PPP2R5D: variants seen among roughly 807,000 people sequenced by gnomAD.
The protein encoded by PPP2R5D is serine/threonine-protein phosphatase 2A 56 kDa regulatory subunit delta isoform.
PPP2R5D carries 12 observed loss-of-function variants against 79.1 expected under a neutral mutation model. The ratio of observed to expected loss-of-function variants is 0.15; its 90% CI spans 0.10 to 0.25. PPP2R5D has a LOEUF of 0.25. Ranked by LOEUF, PPP2R5D falls within the 10% of genes least tolerant of loss-of-function variation. The pLI is 1.00. For synonymous variants in PPP2R5D, 277 were observed against 286.6 expected (o/e 0.97, Z 0.34); for missense variants, 419 against 760.2 (o/e 0.55, Z 5.28).
rs199635607 is a variant in PPP2R5D at position 43,006,584 on chromosome 6, G to C, written c.227G>C (p.Gly76Ala). Residue 76 changes from glycine (G) to alanine (A), a missense_variant, in exon 3 of 16, where the codon GGG becomes GCG. By Grantham distance (60) the Gly-to-Ala change is moderately conservative. Around this residue, in one of 5 missense-constraint regions of PPP2R5D, gnomAD observed 110 missense variants for 147.6 expected, o/e 0.75. Transcript: ENST00000485511. The surrounding 1 kb of genome is among the most constrained non-coding windows in gnomAD (Gnocchi z 4.7). ...PTQLSKIKYSGGPQIVKKERR... is the reference protein window; with the variant it reads ...PTQLSKIKYSAGPQIVKKERR... The stretch of plus-strand genomic sequence containing the variant: ...CAGCTCAGCAAAATCAAGTACTCAG[G>C]GGGGCCCCAGATTGTCAAGAAGGAG... 3.7e-6 allele frequency: 6 copies of C among 1,614,004 alleles called. No homozygotes were observed. Among genetic ancestry groups the C allele is most frequent in the African/African-American group, 1.3e-5 (1 of 74,904 alleles).
chr6:43,010,958 C>T lies in PPP2R5D; in HGVS notation c.1632C>T (p.Ile544=), dbSNP rs1762324454. The T allele has an allele frequency of 3.1e-6, 5 of 1,614,026 alleles. No individual in the cohort carries two copies. The highest frequency in any genetic ancestry group is 4.2e-6 in the Non-Finnish European group (5 of 1,180,030). ...CAGAGACCCCCACAGCTGAGGACAT[C>T]CAGCTTCTGAAGAGGACTGTGGAGA... ...METETPTAED[I]QLLKRTVETE... The change falls in exon 15 of 16, where the codon ATC becomes ATT. Residue 544 remains isoleucine, a synonymous_variant. Coordinates refer to ENST00000485511, the MANE Select transcript of PPP2R5D (RefSeq NM_006245.4). The surrounding 1 kb of genome is among the most constrained non-coding windows in gnomAD (Gnocchi z 4.7).
In PPP2R5D at chr6:43,006,810, C is replaced by A; in HGVS notation, c.323-101C>A. On this transcript the variant is annotated intron_variant, in intron 3 of 15. Coordinates refer to ENST00000485511, the MANE Select transcript of PPP2R5D (RefSeq NM_006245.4). The surrounding 1 kb of genome is among the most constrained non-coding windows in gnomAD (Gnocchi z 4.7). ...AATGCGGGAAGGGGGTGCCAGGGAG[C>A]AGGATGGTGGCAGGGTGGGGTAAGG... is the stretch of plus-strand genomic sequence containing the variant. 6.4e-7 allele frequency: 1 copy of A among 1,571,828 alleles called. No individual in the cohort carries two copies.
intron 2 of PPP2R5D, among the ~76,000 whole-genome samples, chr6:42,995,126 C>CTTTTTTTTTT (rs889250251): frequency 2.8e-4 from 30 of 106,346 alleles, no homozygotes; most frequent in East Asian, 5.8e-4. Flanking sequence ...CTTTTTCTTT[C>CTTTTTTTTTT]TTTTTTTTTT....
At chr6:42,992,275 G>A (rs1224268115) in intron 2 of PPP2R5D, among the ~76,000 whole-genome samples, 1 of 152,092 alleles carries the variant, frequency 6.6e-6, no homozygotes, top group Non-Finnish European at 1.5e-5. Context: ...TAGCCAGGAT[G>A]GTCTCGATCT....
rs547008517 is a variant in PPP2R5D at position 42,984,774 on chromosome 6, A to G, written c.27+70A>G. The G allele has an allele frequency of 1.9e-4, 309 of 1,600,522 alleles. 4 individuals carry two copies. In the South Asian group the frequency reaches 2.2e-3, roughly 11 times the overall value. On this transcript the variant is annotated intron_variant, in intron 1 of 15. Transcript: ENST00000485511. The stretch of plus-strand genomic sequence containing the variant: ...CGGAGCTCTGGGAGGGGCCGGAGCC[A>G]GGCCCGGGACAGCCCCAGACTGACC...
chr6:42,998,811 G>C (rs1771974902), intron 2 of PPP2R5D, among the ~76,000 whole-genome samples: 1 of 152,140 alleles, frequency 6.6e-6, no homozygotes, highest in Non-Finnish European at 1.5e-5. Flanking sequence ...GAGGCAGGCA[G>C]ATCACTTGAG....
Position 43,009,153 on chromosome 6 carries a change from C to G in PPP2R5D, c.1177C>G (p.Pro393Ala). 6.2e-7 allele frequency: 1 copy of G among 1,614,156 alleles called. No individual in the cohort carries two copies. Among genetic ancestry groups the G allele is most frequent in the Non-Finnish European group, 8.5e-7 (1 of 1,180,026 alleles). The change falls in exon 11 of 16, where the codon CCT (proline) becomes GCT (alanine). Residue 393 changes from proline (P) to alanine (A), a missense_variant. Pro to Ala is a conservative substitution (Grantham distance 27, BLOSUM62 -1). Transcript: ENST00000485511. The surrounding 1 kb of genome is among the most constrained non-coding windows in gnomAD (Gnocchi z 5.6). Reference protein sequence around the residue: ...ELEEILDVIEPSEFSKVMEPL... With the variant: ...ELEEILDVIEASEFSKVMEPL... The stretch of plus-strand genomic sequence containing the variant: ...GGAGGAGATTCTGGACGTCATTGAA[C>G]CTTCTGAGTTCAGCAAAGTGATGGA...
In PPP2R5D at chr6:43,007,537, T is replaced by C. The variant is rs1762152763; in HGVS notation, c.726+31T>C. On this transcript the variant is annotated intron_variant, in intron 6 of 15. Transcript: ENST00000485511. This position sits in a 1 kb window ranked among gnomAD's most constrained non-coding sequence, Gnocchi z 4.5. The stretch of plus-strand genomic sequence containing the variant: ...TCCCCGAGTTCCTGTCCTTGCCCTC[T>C]CTTTCCATTCCATGCCCCCTTCATC... 1 of 1,541,518 alleles carries C rather than the reference T, an allele frequency of 6.5e-7. No individual in the cohort carries two copies. The highest frequency in any genetic ancestry group is 9.0e-7 in the Non-Finnish European group (1 of 1,114,116).
At position 43,010,357 on chromosome 6, in the gene PPP2R5D, A is replaced by G. The variant is rs1156456707; in HGVS notation, c.1380-111A>G. On this transcript the variant is annotated intron_variant, in intron 12 of 15. Transcript: ENST00000485511. This position sits in a 1 kb window ranked among gnomAD's most constrained non-coding sequence, Gnocchi z 4.7. ...GCACAGAGGTTTGTGAACTGGAAGTAGTAAATGACAAAGCTCTTAGCAGAG... is the reference window on the plus strand; with the variant it reads ...GCACAGAGGTTTGTGAACTGGAAGTGGTAAATGACAAAGCTCTTAGCAGAG... 3 of 826,480 alleles carry G rather than the reference A, an allele frequency of 3.6e-6. No homozygotes were observed. Among genetic ancestry groups the G allele is most frequent in the Non-Finnish European group, 6.1e-6 (3 of 492,626 alleles). 51.2% of individuals were successfully genotyped at this position (826,480 alleles called of 1,614,324 possible).
At position 43,009,557 on chromosome 6, in the gene PPP2R5D, G is replaced by A; in HGVS notation, c.1379+108G>A. The A allele has an allele frequency of 6.8e-7, 1 of 1,464,810 alleles. No homozygotes were observed. Among genetic ancestry groups the A allele is most frequent in the East Asian group, 2.3e-5 (1 of 43,970 alleles). 90.7% of individuals were successfully genotyped at this position (1,464,810 alleles called of 1,614,324 possible). On this transcript the variant is annotated intron_variant, in intron 12 of 15. Coordinates refer to ENST00000485511, the MANE Select transcript of PPP2R5D (RefSeq NM_006245.4). This position sits in a 1 kb window ranked among gnomAD's most constrained non-coding sequence, Gnocchi z 5.6. ...CTCACCTAGTCACCCAGCAAGTGGG[G>A]CTGATGTCCCCTGCATGTTGATAGG...
At position 43,008,493 on chromosome 6, in the gene PPP2R5D, T is replaced by C. The variant is rs1428515554; in HGVS notation, c.1026+18T>C. On this transcript the variant is annotated intron_variant, in intron 9 of 15. Coordinates refer to ENST00000485511, the MANE Select transcript of PPP2R5D (RefSeq NM_006245.4). The surrounding 1 kb of genome is among the most constrained non-coding windows in gnomAD (Gnocchi z 4.2). ...ACCCTCAGGTGAGCTGCCTTCCTCCTTATAATGTCCAACTCAGGCAGCAGA... is the reference window on the plus strand; with the variant it reads ...ACCCTCAGGTGAGCTGCCTTCCTCCCTATAATGTCCAACTCAGGCAGCAGA... The C allele has an allele frequency of 6.3e-7, 1 of 1,588,642 alleles. No homozygotes were observed. The highest frequency in any genetic ancestry group is 8.6e-7 in the Non-Finnish European group (1 of 1,156,820).
intron 1 of PPP2R5D, among the ~76,000 whole-genome samples, chr6:42,985,925 G>A (rs1290208578): frequency 6.6e-6 from 1 of 152,042 alleles, no homozygotes; most frequent in Non-Finnish European, 1.5e-5. Context: ...TTACAGGCAT[G>A]CGCCACCACA....
chr6:42,990,460 A>T (rs1362644548), intron 2 of PPP2R5D, among the ~76,000 whole-genome samples: 1 of 152,160 alleles, frequency 6.6e-6, no homozygotes, highest in Non-Finnish European at 1.5e-5. Context: ...GACAGGTCTT[A>T]TGGTTTTTTG....
At position 43,006,296 on chromosome 6, in the gene PPP2R5D, G is replaced by T. The variant is rs138099377; in HGVS notation, c.106-167G>T. 5.2e-4 allele frequency: 672 copies of T among 1,284,046 alleles called. 3 individuals carry two copies. In the African/African-American group the frequency reaches 8.6e-3, roughly 16 times the overall value. The allele number at this position is 1,284,046 out of a possible 1,614,324, so 79.5% of individuals were successfully genotyped here. On this transcript the variant is annotated intron_variant, in intron 2 of 15. Coordinates refer to ENST00000485511, the MANE Select transcript of PPP2R5D (RefSeq NM_006245.4). The surrounding 1 kb of genome is among the most constrained non-coding windows in gnomAD (Gnocchi z 4.7). ...GACTTCTTGACTGCTCCCTGCCAGG[G>T]CTACAGCACAGTTATCTCTGTAACC... is the stretch of plus-strand genomic sequence containing the variant.
chr6:43,009,576 T>A lies in PPP2R5D; in HGVS notation c.1379+127T>A. 1 of 1,331,956 alleles carries A rather than the reference T, an allele frequency of 7.5e-7. No individual in the cohort carries two copies. Among genetic ancestry groups the A allele is most frequent in the Non-Finnish European group, 1.0e-6 (1 of 960,918 alleles). The allele number at this position is 1,331,956 out of a possible 1,614,324, so 82.5% of individuals were successfully genotyped here. A position where few individuals can be genotyped will look rare whatever the true frequency, so the allele number is the denominator to read the frequency against. ...AGTGGGGCTGATGTCCCCTGCATGT[T>A]GATAGGACCTTGAGGGGCTGACTGG... On this transcript the variant is annotated intron_variant, in intron 12 of 15. Transcript: ENST00000485511. The surrounding 1 kb of genome is among the most constrained non-coding windows in gnomAD (Gnocchi z 5.6).
chr6:42,987,697 C>T (rs1770954577), intron 1 of PPP2R5D, among the ~76,000 whole-genome samples: 1 of 152,176 alleles, frequency 6.6e-6, no homozygotes, highest in African/African-American at 2.4e-5. Flanking sequence ...AGCCAGGGAG[C>T]AAGGGTGGTA....
At chr6:42,992,733 G>T (rs1771355151) in intron 2 of PPP2R5D, among the ~76,000 whole-genome samples, 1 of 152,110 alleles carries the variant, frequency 6.6e-6, no homozygotes, top group African/African-American at 2.4e-5. Flanking sequence ...TGAGGCGGAG[G>T]ATCGCTTGAG....
At chr6:43,002,399 G>A (rs1033567234) in intron 2 of PPP2R5D, among the ~76,000 whole-genome samples, 2 of 152,056 alleles carry the variant, frequency 1.3e-5, no homozygotes, top group Non-Finnish European at 2.9e-5. Context: ...TCCTGACCTC[G>A]TGATCCGCCC....
At chr6:42,992,320 A>G (rs1470757834) in intron 2 of PPP2R5D, among the ~76,000 whole-genome samples, 2 of 151,808 alleles carry the variant, frequency 1.3e-5, no homozygotes, top group Non-Finnish European at 2.9e-5. Flanking sequence ...CGGCCTCCCA[A>G]AGTGCTGGGA....
Sources: gnomAD v4.1 joint callset for allele counts (sites outside exome capture counted in the v4.1 genomes callset) on GRCh38, gnomAD v4.1.1 for gene constraint, gnomAD v4.1.1 regional missense constraint, Gnocchi (gnomAD v3.1) non-coding constraint, MANE v1.5 for transcripts, NCBI Gene and HGNC (gene_info 2026-07-23, HGNC 2026-07-21) for gene names.